The following MTMR7 variants were observed in gnomAD, a reference collection of about 807,000 sequenced individuals.
MTMR7 encodes myotubularin related protein 7.
Under a neutral mutation model 81.2 loss-of-function variants are expected in MTMR7, and 76 were observed. The observed-to-expected ratio is 0.94, with a 90% CI of 0.78 to 1.13. The LOEUF is 1.13. MTMR7 is among the 50% of genes most tolerant of loss of function. The pLI, the probability that MTMR7 is intolerant of heterozygous loss-of-function variation, is 0.00. For synonymous variants in MTMR7, 372 were observed against 289.8 expected, an observed-to-expected ratio of 1.28 and a Z score of -2.88; for missense variants, 1,044 against 820.0, an observed-to-expected ratio of 1.27 and a Z score of -3.34.
In MTMR7 at chr8:17,326,153, C is replaced by T. The variant is rs552712297; in HGVS notation, c.865+4997G>A. Among the ~76,000 whole-genome samples, 12 of 152,260 alleles carry T rather than the reference C, an allele frequency of 7.9e-5. No individual in the cohort carries two copies. The East Asian group carries it at 1.7e-3, about 22-fold the overall frequency. ...GGGCACCTTCCATTCCAACCCACTA[C>T]CTCGAGAGGCAGAAAAGCCTGGTGG... On this transcript the variant is annotated intron_variant, in intron 7 of 13. Coordinates refer to ENST00000180173, the MANE Select transcript of MTMR7 (RefSeq NM_004686.5).
Position 17,298,162 on chromosome 8 carries a change from A to AGTTAT in MTMR7, c.*1695_*1699dup, listed in dbSNP as rs529460066. Reference sequence around the variant, plus strand: ...ACAGCTCCAAGAAGGTTGTGAAGTGAGTTATGTTATGTTATAAAAATGTGA... The same window carrying AGTTAT: ...ACAGCTCCAAGAAGGTTGTGAAGTGAGTTATGTTATGTTATGTTATAAAAATGTGA... On this transcript the variant is annotated 3_prime_UTR_variant, in exon 14 of 14. Transcript: ENST00000180173. The AGTTAT allele has an allele frequency of 3.3e-5, 5 of 152,074 alleles. No homozygotes were observed. Among genetic ancestry groups the AGTTAT allele is most frequent in the Non-Finnish European group, 5.9e-5 (4 of 67,936 alleles). The allele number at this position is 152,074 out of a possible 1,614,324, so 9.4% of individuals were successfully genotyped here. A position where few individuals can be genotyped will look rare whatever the true frequency, so the allele number is the denominator to read the frequency against.
At chr8:17,337,079 G>C (rs138072714) in intron 6 of MTMR7, among the ~76,000 whole-genome samples, 33 of 152,174 alleles carry the variant, frequency 2.2e-4, no homozygotes, top group Admixed American at 6.5e-4. Flanking sequence ...AACTAAATGA[G>C]AAAGTACCTT....
chr8:17,331,606 A>G (rs1454294922), intron 6 of MTMR7, among the ~76,000 whole-genome samples: 3 of 152,234 alleles, frequency 2.0e-5, no homozygotes, highest in Admixed American at 2.0e-4. Flanking sequence ...TGATGGAACC[A>G]AGTAGTCCAA....
At chr8:17,308,148 T>G (rs1038910047) in intron 10 of MTMR7, among the ~76,000 whole-genome samples, 8 of 152,078 alleles carry the variant, frequency 5.3e-5, no homozygotes, top group Admixed American at 5.2e-4. Context: ...GCTTCAGAAT[T>G]ATTTCAAAAT....
chr8:17,302,011 C>G (rs1817149516), intron 13 of MTMR7, 143 bp downstream of exon 13: 1 of 1,076,718 alleles, frequency 9.3e-7, no homozygotes, highest in Non-Finnish European at 1.3e-6. Context: ...GAGTCCTGAC[C>G]TGGATGGGGT....
rs1167509352 is a variant in MTMR7 at position 17,297,894 on chromosome 8, G to C, written c.*1968C>G. 6.6e-6 allele frequency: 1 copy of C among 152,000 alleles called. No homozygotes were observed. The highest frequency in any genetic ancestry group is 2.4e-5 in the African/African-American group (1 of 41,428). The allele number at this position is 152,000 out of a possible 1,614,324, so 9.4% of individuals were successfully genotyped here. ...TTACATAAATTATAATGTCTGTCTTGTAAAAAAGTTGAGGGGACTAAAAGT... is the reference window on the plus strand; with the variant it reads ...TTACATAAATTATAATGTCTGTCTTCTAAAAAAGTTGAGGGGACTAAAAGT... On this transcript the variant is annotated 3_prime_UTR_variant, in exon 14 of 14. Coordinates refer to ENST00000180173, the MANE Select transcript of MTMR7 (RefSeq NM_004686.5).
intron 10 of MTMR7, among the ~76,000 whole-genome samples, chr8:17,306,229 C>A (rs975603785): frequency 1.3e-5 from 2 of 152,056 alleles, no homozygotes; most frequent in African/African-American, 4.8e-5. Flanking sequence ...ACACTTTCCA[C>A]AGAAAAAGGG....
chr8:17,322,776 A>T (rs1203159607), intron 7 of MTMR7, among the ~76,000 whole-genome samples: 1 of 152,074 alleles, frequency 6.6e-6, no homozygotes, highest in Non-Finnish European at 1.5e-5. Flanking sequence ...TGTGAGCTAC[A>T]GTTGCATCAC....
At chr8:17,393,645 C>G (rs997924047) in intron 1 of MTMR7, among the ~76,000 whole-genome samples, 1 of 151,994 alleles carries the variant, frequency 6.6e-6, no homozygotes, top group African/African-American at 2.4e-5. Flanking sequence ...GGAAGCTGAA[C>G]GATGAGAACA....
intron 7 of MTMR7, among the ~76,000 whole-genome samples, chr8:17,321,318 T>G (rs977315723): frequency 1.3e-5 from 2 of 152,244 alleles, no homozygotes; most frequent in African/African-American, 4.8e-5. Flanking sequence ...CACGCTTCTC[T>G]GTCCAGTTAG....
chr8:17,399,851 C>G (rs937166965), intron 1 of MTMR7, among the ~76,000 whole-genome samples: 1 of 145,278 alleles, frequency 6.9e-6, no homozygotes, highest in Non-Finnish European at 1.5e-5. Context: ...TACATATATA[C>G]AATGGAGCAA....
chr8:17,401,791 A>G (rs1821436160), intron 1 of MTMR7, among the ~76,000 whole-genome samples: 1 of 152,088 alleles, frequency 6.6e-6, no homozygotes, highest in Admixed American at 6.6e-5. Flanking sequence ...AGAGGAGAAA[A>G]TTGGGTGTGA....
chr8:17,387,369 C>A (rs1820976330), intron 1 of MTMR7, among the ~76,000 whole-genome samples: 1 of 152,170 alleles, frequency 6.6e-6, no homozygotes, highest in Non-Finnish European at 1.5e-5. Flanking sequence ...GACCCAGTTT[C>A]AAATAGACTC....
intron 9 of MTMR7, among the ~76,000 whole-genome samples, chr8:17,311,282 A>G (rs1478466685): frequency 6.6e-6 from 1 of 152,196 alleles, no homozygotes; most frequent in East Asian, 1.9e-4. Flanking sequence ...ATTCAGTAGC[A>G]TTGACTTGAA....
At chr8:17,305,729 TA>T in intron 11 of MTMR7, 27 bp downstream of exon 11, 2 of 1,563,868 alleles carry the variant, frequency 1.3e-6, no homozygotes, top group Non-Finnish European at 1.7e-6. Flanking sequence ...AAATAAAAGT[TA>T]AACACCAAAA....
intron 11 of MTMR7, 29 bp downstream of exon 11, chr8:17,305,728 T>C: frequency 1.3e-6 from 2 of 1,561,552 alleles, no homozygotes; most frequent in Non-Finnish European, 1.7e-6. Context: ...TAAATAAAAG[T>C]TAAACACCAA....
chr8:17,360,874 TTTCAA>T (rs1820038755), intron 4 of MTMR7, among the ~76,000 whole-genome samples: 1 of 152,068 alleles, frequency 6.6e-6, no homozygotes, highest in South Asian at 2.1e-4. Flanking sequence ...CCTCTCTGGG[TTTCAA>T]GTTCTGCAAC....
intron 1 of MTMR7, among the ~76,000 whole-genome samples, chr8:17,389,639 A>G (rs543756287): frequency 1.6e-4 from 24 of 152,378 alleles, no homozygotes; most frequent in African/African-American, 5.3e-4. Flanking sequence ...GCTTATAGGT[A>G]GAATTAAGTA....
In MTMR7 at chr8:17,332,229, AT is replaced by A. The variant is rs200974316; in HGVS notation, c.733-948del. Among the ~76,000 whole-genome samples the A allele has an allele frequency of 2.4e-3, 367 of 151,666 alleles. 6 individuals carry two copies. The highest frequency in any genetic ancestry group is 7.7e-3 in the African/African-American group (317 of 41,056). On this transcript the variant is annotated intron_variant, in intron 6 of 13. Coordinates refer to ENST00000180173, the MANE Select transcript of MTMR7 (RefSeq NM_004686.5). ...ACTGAGAACTCACCACCAGAAAAAA[AT>A]ATCTGCTTTTAAAAGCACAGTGCAC...
Sources: allele counts gnomAD v4.1 joint callset (sites outside exome capture counted in the v4.1 genomes callset), GRCh38; gene constraint gnomAD v4.1.1; transcripts MANE v1.5; gene names NCBI Gene and HGNC (gene_info 2026-07-23, HGNC 2026-07-21).